CLHC1: variants seen among roughly 807,000 people sequenced by gnomAD.
CLHC1 encodes clathrin heavy chain linker domain-containing protein 1.
A neutral mutation model predicts 69.5 loss-of-function variants in CLHC1; 72 were observed. The observed-to-expected ratio is 1.04, with a 90% CI of 0.86 to 1.26. The LOEUF (loss-of-function observed/expected upper bound fraction) is 1.26, where lower values mean the gene tolerates loss of function less well. Among genes scored for constraint, CLHC1 ranks in the 50% most tolerant of loss-of-function variants. The pLI, the probability that CLHC1 is intolerant of heterozygous loss-of-function variation, is 0.00. For missense variants in CLHC1, 790 were observed against 679.3 expected, an observed-to-expected ratio of 1.16 and a Z score of -1.81; for synonymous variants, 223 against 224.3, an observed-to-expected ratio of 0.99 and a Z score of 0.05.
Position 55,173,201 on chromosome 2 carries a change from G to A in CLHC1, c.*2589C>T, listed in dbSNP as rs1558429728. Among the ~76,000 whole-genome samples the A allele has an allele frequency of 6.6e-6, 1 of 152,158 alleles. No homozygotes were observed. The highest frequency in any genetic ancestry group is 1.9e-4 in the East Asian group (1 of 5,204). ...GCAAGACCTAATAGAACACATGAAC[G>A]TTGGTTAAATCTTCATTGGAACAAT... On this transcript the variant is annotated 3_prime_UTR_variant, in exon 13 of 13. Coordinates refer to ENST00000401408, the MANE Select transcript of CLHC1 (RefSeq NM_152385.4).
At position 55,175,876 on chromosome 2, in the gene CLHC1, T is replaced by G; in HGVS notation, c.1675A>C (p.Thr559Pro). 1 of 1,614,050 alleles carries G rather than the reference T, an allele frequency of 6.2e-7. No individual in the cohort carries two copies. The highest frequency in any genetic ancestry group is 8.5e-7 in the Non-Finnish European group (1 of 1,179,910). Reference protein sequence around the residue: ...NGFDKLSNDITSILRSQAAVT... With the variant: ...NGFDKLSNDIPSILRSQAAVT... ...GCAGCCTGAGATCGAAGAATAGACG[T>G]GATGTCATTAGATAATTTGTCAAAG... Residue 559 changes from threonine (T) to proline (P), a missense_variant, in exon 13 of 13, where the codon ACG (threonine) becomes CCG (proline). By Grantham distance (38) the Thr-to-Pro change is conservative (BLOSUM62 -1). Coordinates refer to ENST00000401408, the MANE Select transcript of CLHC1 (RefSeq NM_152385.4).
chr2:55,200,617 G>C (rs1433521741), intron 9 of CLHC1, among the ~76,000 whole-genome samples: 2 of 152,114 alleles, frequency 1.3e-5, no homozygotes, highest in African/African-American at 4.8e-5. Flanking sequence ...GCACTGGACA[G>C]ATCATCCAGA....
intron 9 of CLHC1, among the ~76,000 whole-genome samples, chr2:55,193,403 G>A (rs1419830272): frequency 6.6e-6 from 1 of 151,814 alleles, no homozygotes; most frequent in Non-Finnish European, 1.5e-5. Context: ...GTATCAAATA[G>A]GGTTTTAATT....
intron 9 of CLHC1, among the ~76,000 whole-genome samples, chr2:55,200,259 G>GAA (rs1278532035): frequency 4.1e-4 from 35 of 85,932 alleles, no homozygotes; most frequent in African/African-American, 5.5e-4. Flanking sequence ...TGGCTGAGTA[G>GAA]ATAAAAAAAA....
chr2:55,203,269 C>G (rs1347022781), intron 9 of CLHC1, among the ~76,000 whole-genome samples: 1 of 152,134 alleles, frequency 6.6e-6, no homozygotes, highest in African/African-American at 2.4e-5. Flanking sequence ...CAATCCCTAT[C>G]AAAATACCAT....
At position 55,209,508 on chromosome 2, in the gene CLHC1, C is replaced by G. The variant is rs1672774580; in HGVS notation, c.710G>C (p.Arg237Thr). The change falls in exon 7 of 13, where the codon AGA becomes ACA. Residue 237 changes from arginine to threonine, a missense_variant. Coordinates refer to ENST00000401408, the MANE Select transcript of CLHC1 (RefSeq NM_152385.4). The part of the protein sequence containing the change: ...LNKKLQFCHQ[R>T]LQIISQALSS... ...AAGTGCCTGTGAAATTATCTGCAGT[C>G]TTTGATGACTAAAAAGATAAAAAAC... 2 of 1,604,916 alleles carry G rather than the reference C, an allele frequency of 1.2e-6. No individual in the cohort carries two copies. The highest frequency in any genetic ancestry group is 2.2e-5 in the South Asian group (2 of 89,360).
chr2:55,203,626 A>G (rs1350890040), intron 9 of CLHC1, among the ~76,000 whole-genome samples: 1 of 152,188 alleles, frequency 6.6e-6, no homozygotes, highest in Non-Finnish European at 1.5e-5. Context: ...AAATGAAACT[A>G]GGCCCCTATC....
intron 3 of CLHC1, among the ~76,000 whole-genome samples, chr2:55,221,958 T>TA (rs1458202038): frequency 2.6e-5 from 4 of 152,184 alleles, no homozygotes; most frequent in African/African-American, 4.8e-5. Flanking sequence ...GCCTGGGTGA[T>TA]ACAGTGAGAC....
intron 8 of CLHC1, among the ~76,000 whole-genome samples, chr2:55,208,216 C>A (rs1672626826): frequency 6.6e-6 from 1 of 152,140 alleles, no homozygotes; most frequent in South Asian, 2.1e-4. Flanking sequence ...CAGATTTTTT[C>A]ATATTTTGGA....
intron 5 of CLHC1, among the ~76,000 whole-genome samples, chr2:55,210,315 A>G (rs766336808): frequency 1.3e-5 from 2 of 151,806 alleles, no homozygotes; most frequent in African/African-American, 2.4e-5. Context: ...TCCTGCCTCA[A>G]CTTCTGAGTA....
intron 4 of CLHC1, among the ~76,000 whole-genome samples, chr2:55,215,460 G>T (rs968998991): frequency 2.6e-5 from 4 of 152,106 alleles, no homozygotes; most frequent in Non-Finnish European, 5.9e-5. Flanking sequence ...TGTATATATA[G>T]TTCAAGGAAT....
At chr2:55,204,013 G>C (rs1434952130) in intron 9 of CLHC1, among the ~76,000 whole-genome samples, 3 of 152,198 alleles carry the variant, frequency 2.0e-5, no homozygotes, top group Non-Finnish European at 4.4e-5. Flanking sequence ...GGCCAGGTGA[G>C]GTGGTTCACA....
At chr2:55,176,845 T>G (rs1197051238) in intron 12 of CLHC1, among the ~76,000 whole-genome samples, 1 of 152,224 alleles carries the variant, frequency 6.6e-6, no homozygotes, top group Admixed American at 6.5e-5. Flanking sequence ...CTATATTAAA[T>G]TAATGAAAAG....
chr2:55,194,779 G>C (rs749245841), intron 9 of CLHC1, among the ~76,000 whole-genome samples: 4 of 151,966 alleles, frequency 2.6e-5, no homozygotes, highest in African/African-American at 9.7e-5. Flanking sequence ...ATATATTTAA[G>C]GTCTACAACA....
Position 55,181,682 on chromosome 2 carries a change from T to G in CLHC1, c.1069A>C (p.Thr357Pro). 1 of 1,613,954 alleles carries G rather than the reference T, an allele frequency of 6.2e-7. No homozygotes were observed. Among genetic ancestry groups the G allele is most frequent in the Non-Finnish European group, 8.5e-7 (1 of 1,179,912 alleles). Residue 357 changes from threonine (T) to proline (P), a missense_variant, in exon 10 of 13, where the codon ACA becomes CCA. Physicochemically the swap from Thr to Pro is conservative, Grantham distance 38 (BLOSUM62 -1). Transcript: ENST00000401408. ...ACAGGACATGGAAAAGCATGACTTG[T>G]GATAAAGAGGGCCTCAAAAAATAAG... ...LLLFFEALFI[T>P]SHAFPCPVDA...
chr2:55,197,688 C>A (rs897581931), intron 9 of CLHC1, among the ~76,000 whole-genome samples: 1 of 152,156 alleles, frequency 6.6e-6, no homozygotes, highest in Non-Finnish European at 1.5e-5. Flanking sequence ...TCACAACACC[C>A]AAGTCTCCTT....
chr2:55,175,669 T>C lies in CLHC1; in HGVS notation c.*121A>G. ...AAATGTCATCATAACAAAAGTGTGA[T>C]TTATTTCTGAGATCTTCTTACTCTA... On this transcript the variant is annotated 3_prime_UTR_variant, in exon 13 of 13. Transcript: ENST00000401408. The C allele has an allele frequency of 1.6e-6, 1 of 640,288 alleles. No homozygotes were observed. Among genetic ancestry groups the C allele is most frequent in the East Asian group, 2.7e-5 (1 of 36,506 alleles). The allele number at this position is 640,288 out of a possible 1,614,324, so 39.7% of individuals were successfully genotyped here.
intron 9 of CLHC1, among the ~76,000 whole-genome samples, chr2:55,197,883 C>A (rs1322192277): frequency 6.6e-6 from 1 of 152,098 alleles, no homozygotes; most frequent in Non-Finnish European, 1.5e-5. Flanking sequence ...CCTAGAAAGA[C>A]AAAGATATGT....
chr2:55,224,345 C>T (rs1459358510), intron 2 of CLHC1: 2 of 452,592 alleles, frequency 4.4e-6, no homozygotes, highest in Non-Finnish European at 9.1e-6. Flanking sequence ...GCCTTGACAG[C>T]TCCCTCCTGC....
Sources: gnomAD v4.1 joint callset for allele counts (sites outside exome capture counted in the v4.1 genomes callset) on GRCh38, gnomAD v4.1.1 for gene constraint, MANE v1.5 for transcripts, NCBI Gene and HGNC (gene_info 2026-07-23, HGNC 2026-07-21) for gene names.